Variants in GALNT13 observed in about 807,000 individuals in gnomAD.
The protein encoded by GALNT13 is polypeptide N-acetylgalactosaminyltransferase 13.
GALNT13 carries 28 observed loss-of-function variants against 64.2 expected under a neutral mutation model. The ratio of observed to expected loss-of-function variants is 0.44; its 90% confidence interval spans 0.32 to 0.60. GALNT13 has a LOEUF of 0.60. GALNT13 is among the 20% of genes least tolerant of loss of function. The probability of loss-of-function intolerance (pLI) is 0.05; values close to 1 mark genes in which losing one functional copy is unlikely to be tolerated. For missense variants in GALNT13, 577 were observed against 669.8 expected, an observed-to-expected ratio of 0.86 and a Z score of 1.53; for synonymous variants, 214 against 224.6, an observed-to-expected ratio of 0.95 and a Z score of 0.42.
intron 4 of GALNT13, among the ~76,000 whole-genome samples, chr2:154,194,105 G>C (rs1289335915): frequency 6.6e-6 from 1 of 152,126 alleles, no homozygotes; most frequent in Non-Finnish European, 1.5e-5. Context: ...TAAACTTACT[G>C]AATTAGAACC....
chr2:153,752,155 T>C, the GALNT13 span, among the ~76,000 whole-genome samples: 1 of 152,012 alleles, frequency 6.6e-6, no homozygotes, highest in African/African-American at 2.4e-5. Flanking sequence ...TAAATTATTG[T>C]TATTTCTATT....
At chr2:153,463,867 G>A in the GALNT13 span, among the ~76,000 whole-genome samples, 1 of 151,882 alleles carries the variant, frequency 6.6e-6, no homozygotes, top group Non-Finnish European at 1.5e-5. Flanking sequence ...GGGAGGTGAT[G>A]GTATCACAAT....
At chr2:153,657,394 A>G in the GALNT13 span, among the ~76,000 whole-genome samples, 1 of 152,116 alleles carries the variant, frequency 6.6e-6, no homozygotes, top group South Asian at 2.1e-4. Context: ...TAGAAATAAT[A>G]ACCTTTGCTG....
At chr2:153,518,760 T>G in the GALNT13 span, among the ~76,000 whole-genome samples, 1 of 152,126 alleles carries the variant, frequency 6.6e-6, no homozygotes, top group African/African-American at 2.4e-5. Context: ...CTATAAATGT[T>G]TAGTGGGTTC....
At chr2:153,418,531 G>A in the GALNT13 span, among the ~76,000 whole-genome samples, 14,512 of 152,176 alleles carry the variant, frequency 0.095, 950 homozygotes, top group African/African-American at 0.18. Flanking sequence ...GAAGGAAGTA[G>A]AATAATGGTC....
At chr2:153,293,827 C>T in the GALNT13 span, among the ~76,000 whole-genome samples, 1 of 150,970 alleles carries the variant, frequency 6.6e-6, no homozygotes, top group Non-Finnish European at 1.5e-5. Flanking sequence ...GGGTTTTACT[C>T]TGTATCTAGG....
intron 3 of GALNT13, among the ~76,000 whole-genome samples, chr2:153,955,512 AG>A (rs373548381): frequency 1.1e-3 from 168 of 152,312 alleles, no homozygotes; most frequent in African/African-American, 3.7e-3. Flanking sequence ...CAGTCATAAA[AG>A]GGTTTCTAGA....
At chr2:154,265,823 CTAAAAAT>C (rs1457388273) in intron 8 of GALNT13, among the ~76,000 whole-genome samples, 1 of 152,100 alleles carries the variant, frequency 6.6e-6, no homozygotes, top group East Asian at 1.9e-4. Flanking sequence ...AAATAGAAAA[CTAAAAAT>C]TAATATTCCT....
chr2:153,891,494 C>T (rs1325394304), intron 1 of GALNT13, among the ~76,000 whole-genome samples: 1 of 151,198 alleles, frequency 6.6e-6, no homozygotes, highest in African/African-American at 2.4e-5. Context: ...CAGAGTTCTG[C>T]CACTTATGTC....
At chr2:153,727,150 T>G in the GALNT13 span, among the ~76,000 whole-genome samples, 1 of 152,142 alleles carries the variant, frequency 6.6e-6, no homozygotes, top group Non-Finnish European at 1.5e-5. Flanking sequence ...TTACCTTTTT[T>G]GGAAAGCTGT....
chr2:154,244,033 C>A (rs1432906005), intron 6 of GALNT13, among the ~76,000 whole-genome samples: 1 of 151,964 alleles, frequency 6.6e-6, no homozygotes, highest in African/African-American at 2.4e-5. Flanking sequence ...ACCCACAGGA[C>A]AATCAGACTG....
chr2:154,097,173 T>A (rs1463307413), intron 3 of GALNT13, among the ~76,000 whole-genome samples: 1 of 152,048 alleles, frequency 6.6e-6, no homozygotes, highest in Non-Finnish European at 1.5e-5. Flanking sequence ...CAATGAAGTG[T>A]TATCGAGTGC....
chr2:153,713,600 A>T, the GALNT13 span, among the ~76,000 whole-genome samples: 5 of 152,138 alleles, frequency 3.3e-5, no homozygotes, highest in African/African-American at 1.2e-4. Context: ...CTCCTGCCTC[A>T]GCCTCCTGAG....
chr2:154,421,101 C>A (rs969077080), intron 11 of GALNT13, among the ~76,000 whole-genome samples: 5 of 151,724 alleles, frequency 3.3e-5, no homozygotes, highest in Admixed American at 6.6e-5. Context: ...AATTCATGTT[C>A]AAATAGTTGA....
At chr2:154,202,048 T>C (rs1333851959) in intron 4 of GALNT13, among the ~76,000 whole-genome samples, 1 of 152,162 alleles carries the variant, frequency 6.6e-6, no homozygotes, top group Non-Finnish European at 1.5e-5. Context: ...TACCCTTTGA[T>C]TTAATTCAAT....
chr2:153,919,049 ATCAT>A lies in GALNT13; in HGVS notation c.-105+18049_-105+18052del, dbSNP rs757861086. ...CCCTTAGCACAATTTTGTACTATTG[ATCAT>A]TCATTCTATTTCAGAATATTATTTT... On this transcript the variant is annotated intron_variant, in intron 2 of 12. Transcript: ENST00000392825. Among the ~76,000 whole-genome samples, 8 of 152,110 alleles carry A rather than the reference ATCAT, an allele frequency of 5.3e-5. No homozygotes were observed. The East Asian group carries it at 5.8e-4, about 11-fold the overall frequency.
At chr2:154,040,183 A>T (rs1280730609) in intron 3 of GALNT13, among the ~76,000 whole-genome samples, 1 of 140,818 alleles carries the variant, frequency 7.1e-6, no homozygotes, top group Non-Finnish European at 1.6e-5. Context: ...CAGAAGAAAG[A>T]TACACACACA....
the GALNT13 span, among the ~76,000 whole-genome samples, chr2:153,359,630 C>CAAAAAAAAAAAAAAAAAAAAAAAA: frequency 5.5e-4 from 21 of 38,242 alleles, 3 homozygotes; most frequent in Admixed American, 1.0e-3. Context: ...CAGCTTTCAG[C>CAAAAAAAAAAAAAAAAAAAAAAAA]AAAAAAAAAA....
intron 3 of GALNT13, among the ~76,000 whole-genome samples, chr2:153,954,041 C>T (rs1404334409): frequency 6.6e-6 from 1 of 152,086 alleles, no homozygotes; most frequent in Admixed American, 6.5e-5. Context: ...TTAAAATTAT[C>T]TCCTCCTTAT....
Sources: gnomAD v4.1 joint callset for allele counts (sites outside exome capture counted in the v4.1 genomes callset) on GRCh38, gnomAD v4.1.1 for gene constraint, MANE v1.5 for transcripts, NCBI Gene and HGNC (gene_info 2026-07-23, HGNC 2026-07-21) for gene names.